Variants in CTNNA3 observed in about 807,000 individuals in gnomAD.
CTNNA3 encodes catenin alpha-3.
A neutral mutation model predicts 95.7 loss-of-function variants in CTNNA3; 76 were observed. The ratio of observed to expected loss-of-function variants is 0.79; its 90% confidence interval spans 0.66 to 0.96. The LOEUF (loss-of-function observed/expected upper bound fraction) is 0.96, where lower values mean the gene tolerates loss of function less well. CTNNA3 is among the 40% of genes least tolerant of loss of function. The probability of loss-of-function intolerance (pLI) is 0.00; values close to 1 mark genes in which losing one functional copy is unlikely to be tolerated. For missense variants in CTNNA3, 1,191 were observed against 1,089.8 expected (o/e 1.09, Z -1.31); for synonymous variants, 431 against 374.4 (o/e 1.15, Z -1.74).
At chr10:67,352,511 C>T (rs1425397812) in intron 5 of CTNNA3, among the ~76,000 whole-genome samples, 3 of 151,732 alleles carry the variant, frequency 2.0e-5, no homozygotes, top group Admixed American at 1.3e-4. Flanking sequence ...AACCTAAGAT[C>T]CCTTTATGCA....
rs150450029 is a variant in CTNNA3 at position 66,078,299 on chromosome 10, T to G, written c.1978-8810A>C. Among the ~76,000 whole-genome samples the G allele has an allele frequency of 2.6e-3, 390 of 152,034 alleles. 6 individuals are homozygous for G. The highest frequency in any genetic ancestry group is 9.1e-3 in the African/African-American group (377 of 41,556). On this transcript the variant is annotated intron_variant, in intron 14 of 17. Coordinates refer to ENST00000433211, the MANE Select transcript of CTNNA3 (RefSeq NM_013266.4). ...GCTATTAACTGTCATCTTCCCATTCTCTCATTCATTCCTTCACCTATTCCT... is the reference window on the plus strand; with the variant it reads ...GCTATTAACTGTCATCTTCCCATTCGCTCATTCATTCCTTCACCTATTCCT...
chr10:66,070,998 A>C (rs2080423775), intron 14 of CTNNA3, among the ~76,000 whole-genome samples: 1 of 152,190 alleles, frequency 6.6e-6, no homozygotes, highest in Non-Finnish European at 1.5e-5. Flanking sequence ...TAGCAGCAAC[A>C]AAACATTAAG....
At chr10:67,606,201 T>C (rs544615091) in intron 3 of CTNNA3, among the ~76,000 whole-genome samples, 35 of 152,190 alleles carry the variant, frequency 2.3e-4, no homozygotes, top group Non-Finnish European at 5.1e-4. Context: ...AGCTGATATA[T>C]ACGAAATCAT....
At chr10:66,551,865 C>A (rs1366962579) in intron 10 of CTNNA3, among the ~76,000 whole-genome samples, 1 of 145,480 alleles carries the variant, frequency 6.9e-6, no homozygotes, top group African/African-American at 2.5e-5. Flanking sequence ...TGTACAGGTT[C>A]ATTCACGGGA....
chr10:66,585,694 T>C (rs1843338214), intron 10 of CTNNA3, among the ~76,000 whole-genome samples: 1 of 152,050 alleles, frequency 6.6e-6, no homozygotes, highest in African/African-American at 2.4e-5. Context: ...GTTTTCAACT[T>C]TCTCTTATGT....
At chr10:67,556,070 A>T (rs1476250830) in intron 3 of CTNNA3, among the ~76,000 whole-genome samples, 4 of 152,140 alleles carry the variant, frequency 2.6e-5, no homozygotes, top group African/African-American at 9.7e-5. Flanking sequence ...TGATTTGTGT[A>T]TGTTGAACCA....
At chr10:66,609,656 G>A (rs1844258698) in intron 10 of CTNNA3, among the ~76,000 whole-genome samples, 1 of 151,960 alleles carries the variant, frequency 6.6e-6, no homozygotes, top group South Asian at 2.1e-4. Context: ...TGGTGGGAGT[G>A]TAAATTATTT....
intron 7 of CTNNA3, among the ~76,000 whole-genome samples, chr10:66,884,761 G>C (rs1844980529): frequency 6.6e-6 from 1 of 152,010 alleles, no homozygotes; most frequent in Admixed American, 6.6e-5. Context: ...CAATACAGAG[G>C]GGCAAGAAAC....
In CTNNA3 at chr10:65,988,785, T is replaced by A; in HGVS notation, c.2172A>T (p.Pro724=). ...AGATCACATCAGTTGTATGCTTTAGTGGTCCTTTGCCCCTGGAAAAAAATT... is the reference window on the plus strand; with the variant it reads ...AGATCACATCAGTTGTATGCTTTAGAGGTCCTTTGCCCCTGGAAAAAAATT... The part of the protein sequence containing the change: ...EMTDFTRGKG[P]LKHTTDVIYA... The change falls in exon 16 of 18, where the codon CCA becomes CCT. Residue 724 remains proline (P), a synonymous_variant. Coordinates refer to ENST00000433211, the MANE Select transcript of CTNNA3 (RefSeq NM_013266.4). The A allele has an allele frequency of 6.2e-7, 1 of 1,613,278 alleles. No individual in the cohort carries two copies. The highest frequency in any genetic ancestry group is 8.5e-7 in the Non-Finnish European group (1 of 1,179,468).
At chr10:67,209,091 C>T (rs530089656) in intron 6 of CTNNA3, among the ~76,000 whole-genome samples, 6 of 152,160 alleles carry the variant, frequency 3.9e-5, no homozygotes, top group Admixed American at 1.3e-4. Flanking sequence ...ACTCTGTCAC[C>T]AGGCTGGAGT....
At position 66,191,136 on chromosome 10, in the gene CTNNA3, G is replaced by A. The variant is rs565772960; in HGVS notation, c.1885-87887C>T. On this transcript the variant is annotated intron_variant, in intron 13 of 17. Transcript: ENST00000433211. The stretch of plus-strand genomic sequence containing the variant: ...GACACTAACAAAGAAGGACCCAGAG[G>A]TTCTAAATCTAAGAACTTATATACA... 2.3e-3 allele frequency among the ~76,000 whole-genome samples: 344 copies of A among 152,204 alleles called. 2 individuals carry two copies. Among genetic ancestry groups the A allele is most frequent in the Non-Finnish European group, 4.1e-3 (282 of 67,996 alleles).
chr10:66,650,685 G>T (rs1452892208), intron 9 of CTNNA3, among the ~76,000 whole-genome samples: 1 of 152,188 alleles, frequency 6.6e-6, no homozygotes, highest in African/African-American at 2.4e-5. Flanking sequence ...CTTCAGGAAT[G>T]AAGCTGCAGA....
chr10:66,665,805 T>C (rs1846431384), intron 9 of CTNNA3, among the ~76,000 whole-genome samples: 1 of 152,196 alleles, frequency 6.6e-6, no homozygotes, highest in Non-Finnish European at 1.5e-5. Flanking sequence ...CTCTTTTGTT[T>C]TATAAATTTT....
At chr10:66,458,429 G>A (rs1427289533) in intron 11 of CTNNA3, among the ~76,000 whole-genome samples, 2 of 152,020 alleles carry the variant, frequency 1.3e-5, no homozygotes, top group Non-Finnish European at 1.5e-5. Context: ...TAAAATATAC[G>A]TAACACAAAA....
intron 11 of CTNNA3, among the ~76,000 whole-genome samples, chr10:66,470,316 G>T (rs182543184): frequency 4.3e-4 from 66 of 152,018 alleles, no homozygotes; most frequent in African/African-American, 1.5e-3. Context: ...AGACTGTGGA[G>T]AAGGTTTGAA....
chr10:66,576,888 G>A (rs1487312642), intron 10 of CTNNA3, among the ~76,000 whole-genome samples: 1 of 151,194 alleles, frequency 6.6e-6, no homozygotes, highest in Non-Finnish European at 1.5e-5. Context: ...TCTGTTTCAA[G>A]TTCTTTGAGA....
chr10:67,419,270 TTAGA>T (rs1268734294), intron 5 of CTNNA3, among the ~76,000 whole-genome samples: 4 of 152,200 alleles, frequency 2.6e-5, no homozygotes, highest in Non-Finnish European at 5.9e-5. Flanking sequence ...AATTATATAA[TTAGA>T]TAGGACAATA....
At chr10:66,412,587 G>A (rs1446442520) in intron 11 of CTNNA3, among the ~76,000 whole-genome samples, 4 of 150,644 alleles carry the variant, frequency 2.7e-5, no homozygotes, top group Admixed American at 2.0e-4. Flanking sequence ...AGCCTCCCAA[G>A]TAGCTGGGAC....
chr10:66,133,324 G>C (rs2133855254), intron 13 of CTNNA3, among the ~76,000 whole-genome samples: 1 of 152,144 alleles, frequency 6.6e-6, no homozygotes, highest in South Asian at 2.1e-4. Context: ...AAACCAGCCT[G>C]GCCAACATGG....
Sources: allele counts gnomAD v4.1 joint callset (sites outside exome capture counted in the v4.1 genomes callset), GRCh38; gene constraint gnomAD v4.1.1; transcripts MANE v1.5; gene names NCBI Gene and HGNC (gene_info 2026-07-23, HGNC 2026-07-21).